GRIN2A: variants seen among roughly 807,000 people sequenced by gnomAD.
GRIN2A encodes the protein glutamate receptor ionotropic, NMDA 2A.
Under a neutral mutation model 113.4 loss-of-function variants are expected in GRIN2A, and 22 were observed. The ratio of observed to expected loss-of-function variants is 0.19; its 90% CI spans 0.14 to 0.28. The LOEUF is 0.28. Ranked by LOEUF, GRIN2A falls within the 10% of genes least tolerant of loss-of-function variation. The probability of loss-of-function intolerance (pLI) is 1.00; values close to 1 mark genes in which losing one functional copy is unlikely to be tolerated. For synonymous variants in GRIN2A, 827 were observed against 738.4 expected (o/e 1.12, Z -1.94); for missense variants, 1,502 against 1,887.0 (o/e 0.80, Z 3.78).
intron 2 of GRIN2A, among the ~76,000 whole-genome samples, chr16:9,985,370 A>C (rs549416143): frequency 4.6e-5 from 7 of 152,312 alleles, no homozygotes; most frequent in Admixed American, 6.5e-5. Flanking sequence ...TAAGAGGAAA[A>C]TATCAAGGAG....
Position 9,764,542 on chromosome 16 carries a change from C to T in GRIN2A, c.3002G>A (p.Ser1001Asn). ...TCTAGAGTTCGCTTTGGATTCTGTG[C>T]TCACGGCCACCTCCACCGTGTTAGG... is the stretch of plus-strand genomic sequence containing the variant. Reference protein sequence around the residue: ...SNPNTVEVAVSTESKANSRPR... With the variant: ...SNPNTVEVAVNTESKANSRPR... Residue 1001 changes from serine to asparagine, a missense_variant, in exon 13 of 13, where the codon AGC (serine) becomes AAC (asparagine). Around this residue, in one of 7 missense-constraint regions of GRIN2A, gnomAD observed 832 missense variants for 789.7 expected, o/e 1.05. Coordinates refer to ENST00000330684, the MANE Select transcript of GRIN2A (RefSeq NM_001134407.3). The T allele has an allele frequency of 1.9e-6, 3 of 1,613,956 alleles. No individual in the cohort carries two copies. Among genetic ancestry groups the T allele is most frequent in the Non-Finnish European group, 2.5e-6 (3 of 1,179,988 alleles).
At chr16:9,961,471 A>T (rs2045441488) in intron 2 of GRIN2A, among the ~76,000 whole-genome samples, 1 of 152,224 alleles carries the variant, frequency 6.6e-6, no homozygotes, top group African/African-American at 2.4e-5. Flanking sequence ...CATTTATAAC[A>T]GAACAGAATG....
chr16:9,921,012 G>A (rs973095440), intron 3 of GRIN2A, among the ~76,000 whole-genome samples: 2 of 152,198 alleles, frequency 1.3e-5, no homozygotes, highest in East Asian at 1.9e-4. Context: ...AGGGGTGCAC[G>A]ATGTCTCAAG....
chr16:9,956,033 T>C (rs1188437743), intron 2 of GRIN2A, among the ~76,000 whole-genome samples: 1 of 152,214 alleles, frequency 6.6e-6, no homozygotes, highest in African/African-American at 2.4e-5. Context: ...AAAGTTCTGT[T>C]GTTCGGACTC....
At chr16:9,781,810 G>A (rs1033513066) in intron 11 of GRIN2A, among the ~76,000 whole-genome samples, 23 of 152,052 alleles carry the variant, frequency 1.5e-4, no homozygotes, top group African/African-American at 5.1e-4. Context: ...TTCTTCCATC[G>A]TTATCTATAC....
At chr16:10,159,498 G>A (rs1471565584) in intron 2 of GRIN2A, among the ~76,000 whole-genome samples, 3 of 152,152 alleles carry the variant, frequency 2.0e-5, no homozygotes, top group Non-Finnish European at 2.9e-5. Flanking sequence ...GATGCTTGGA[G>A]GGCTCTCGCC....
At chr16:9,827,365 G>A (rs1471932795) in intron 9 of GRIN2A, among the ~76,000 whole-genome samples, 1 of 152,204 alleles carries the variant, frequency 6.6e-6, no homozygotes, top group Non-Finnish European at 1.5e-5. Context: ...GGGTGAGCAT[G>A]ATTTACTAGT....
Position 9,849,762 on chromosome 16 carries a change from T to G in GRIN2A, c.1322A>C (p.Lys441Thr), listed in dbSNP as rs765663965. 2.5e-6 allele frequency: 4 copies of G among 1,613,816 alleles called. No homozygotes were observed. The South Asian group carries it at 3.3e-5, about 13-fold the overall frequency. The change falls in exon 5 of 13, where the codon AAA becomes ACA. Residue 441 changes from lysine to threonine, a missense_variant. Physicochemically the swap from Lys to Thr is moderately conservative, Grantham distance 78. Coordinates refer to ENST00000330684, the MANE Select transcript of GRIN2A (RefSeq NM_001134407.3). ...RNTVPCRKFV[K>T]INNSTNEGMN... ...CAGCATTCCTGCCACTCACTTGATT[T>G]TGACGAACTTCCGACATGGCACGGT...
intron 4 of GRIN2A, among the ~76,000 whole-genome samples, chr16:9,853,191 G>A (rs1287329610): frequency 1.3e-5 from 2 of 152,168 alleles, no homozygotes; most frequent in Non-Finnish European, 2.9e-5. Context: ...CTCCAGATAG[G>A]TGGAGACCAG....
chr16:10,055,792 A>G (rs1199321650), intron 2 of GRIN2A, among the ~76,000 whole-genome samples: 2 of 152,258 alleles, frequency 1.3e-5, no homozygotes, highest in South Asian at 2.1e-4. Flanking sequence ...CTGAAACAAT[A>G]AAAGCAATTG....
At chr16:10,017,106 G>A (rs948975932) in intron 2 of GRIN2A, among the ~76,000 whole-genome samples, 1 of 152,154 alleles carries the variant, frequency 6.6e-6, no homozygotes, top group African/African-American at 2.4e-5. Context: ...GTCCAGAGCC[G>A]ACAATGAGCA....
At chr16:9,893,307 T>A (rs555115028) in intron 3 of GRIN2A, among the ~76,000 whole-genome samples, 10 of 152,234 alleles carry the variant, frequency 6.6e-5, no homozygotes, top group Non-Finnish European at 8.8e-5. Flanking sequence ...TTTGTGTGTG[T>A]ATCTTTGTAT....
At chr16:10,078,731 C>G (rs1227122980) in intron 2 of GRIN2A, among the ~76,000 whole-genome samples, 1 of 152,164 alleles carries the variant, frequency 6.6e-6, no homozygotes, top group Non-Finnish European at 1.5e-5. Context: ...AAGGGCACAG[C>G]CCCCTTCAGG....
intron 4 of GRIN2A, among the ~76,000 whole-genome samples, chr16:9,854,205 C>T (rs11864263): frequency 3.4e-3 from 519 of 152,184 alleles, no homozygotes; most frequent in African/African-American, 0.011. Flanking sequence ...ATATGTGCCT[C>T]AGCTTTGGAA....
At chr16:9,948,314 C>T (rs2045072333) in intron 2 of GRIN2A, among the ~76,000 whole-genome samples, 1 of 152,184 alleles carries the variant, frequency 6.6e-6, no homozygotes, top group Non-Finnish European at 1.5e-5. Flanking sequence ...CTCCAATGAG[C>T]ATAAGAATCA....
At chr16:10,063,431 A>G (rs1363200314) in intron 2 of GRIN2A, among the ~76,000 whole-genome samples, 1 of 152,198 alleles carries the variant, frequency 6.6e-6, no homozygotes, top group African/African-American at 2.4e-5. Context: ...CCGCCTAGCC[A>G]TTTCTAGTAC....
At chr16:9,991,820 T>C (rs2046119495) in intron 2 of GRIN2A, among the ~76,000 whole-genome samples, 1 of 152,170 alleles carries the variant, frequency 6.6e-6, no homozygotes. Flanking sequence ...AAACACCACA[T>C]GTTCTTACTC....
chr16:10,058,749 A>G (rs561907792), intron 2 of GRIN2A, among the ~76,000 whole-genome samples: 1 of 152,324 alleles, frequency 6.6e-6, no homozygotes, highest in South Asian at 2.1e-4. Context: ...CCATTCATTT[A>G]CTCGCTCATT....
intron 2 of GRIN2A, among the ~76,000 whole-genome samples, chr16:9,966,935 C>T (rs1434592472): frequency 1.3e-5 from 2 of 152,186 alleles, no homozygotes; most frequent in Non-Finnish European, 1.5e-5. Flanking sequence ...TTACCCAGTG[C>T]CCTTCCTTGT....
Sources: allele counts gnomAD v4.1 joint callset (sites outside exome capture counted in the v4.1 genomes callset), GRCh38; gene constraint gnomAD v4.1.1; regional missense constraint gnomAD v4.1.1; transcripts MANE v1.5; gene names NCBI Gene and HGNC (gene_info 2026-07-23, HGNC 2026-07-21).